MBP: variants seen among roughly 807,000 people sequenced by gnomAD.
The protein encoded by MBP is Golli-MBP.
Under a neutral mutation model 35.8 loss-of-function variants are expected in MBP, and 16 were observed. The observed-to-expected ratio is 0.45, with a 90% CI of 0.30 to 0.68. The LOEUF is 0.68. MBP is among the 30% of genes least tolerant of loss of function. The probability of loss-of-function intolerance (pLI) is 0.08; values close to 1 mark genes in which losing one functional copy is unlikely to be tolerated. For missense variants in MBP, 380 were observed against 404.7 expected (o/e 0.94, Z 0.52); for synonymous variants, 143 against 159.6 (o/e 0.90, Z 0.78).
intron 7 of MBP, chr18:76,987,522 C>A: frequency 1.0e-6 from 1 of 985,736 alleles, no homozygotes. Flanking sequence ...TTCCTCTTCC[C>A]CACCTTCTGT....
intron 2 of MBP, among the ~76,000 whole-genome samples, chr18:77,104,035 C>T (rs12959904): frequency 0.32 from 48,306 of 152,214 alleles, 9,229 homozygotes; most frequent in Non-Finnish European, 0.43. Flanking sequence ...TGTTCCCTGA[C>T]AAGGGTTACG....
At chr18:77,072,762 G>A (rs1015271456) in intron 2 of MBP, among the ~76,000 whole-genome samples, 5 of 152,176 alleles carry the variant, frequency 3.3e-5, no homozygotes, top group Non-Finnish European at 7.3e-5. Flanking sequence ...CGCCCGCAGC[G>A]CAGTTACTCA....
At chr18:76,994,479 C>T (rs1028759479) in intron 4 of MBP, among the ~76,000 whole-genome samples, 4 of 152,224 alleles carry the variant, frequency 2.6e-5, no homozygotes, top group African/African-American at 9.7e-5. Flanking sequence ...GATTTTACAA[C>T]TTACCATGCT....
chr18:77,008,921 C>G (rs1028335327), intron 4 of MBP, among the ~76,000 whole-genome samples: 1 of 152,222 alleles, frequency 6.6e-6, no homozygotes, highest in Admixed American at 6.5e-5. Flanking sequence ...AATGGTCCCC[C>G]CTTGCCGGCC....
chr18:77,117,363 C>T (rs1258526902), intron 1 of MBP, among the ~76,000 whole-genome samples: 1 of 152,186 alleles, frequency 6.6e-6, no homozygotes, highest in Non-Finnish European at 1.5e-5. Flanking sequence ...GTGTTTTCTG[C>T]ATGCCATTAA....
chr18:77,025,714 T>G (rs1483839631), intron 3 of MBP, among the ~76,000 whole-genome samples: 3 of 147,358 alleles, frequency 2.0e-5, no homozygotes, highest in Non-Finnish European at 4.5e-5. Flanking sequence ...ACTTTTTTTT[T>G]TTTTTTTTTT....
chr18:77,105,740 G>T (rs955995418), intron 1 of MBP, among the ~76,000 whole-genome samples: 1 of 152,200 alleles, frequency 6.6e-6, no homozygotes, highest in South Asian at 2.1e-4. Context: ...AGCTATTCAT[G>T]CTCACTGCTT....
intron 3 of MBP, among the ~76,000 whole-genome samples, chr18:77,042,817 A>C (rs1250538043): frequency 5.3e-5 from 8 of 152,214 alleles, no homozygotes; most frequent in African/African-American, 1.9e-4. Flanking sequence ...GTTAGCTACT[A>C]TTTTTTAAGG....
At chr18:77,045,491 G>T (rs1367370253) in intron 3 of MBP, among the ~76,000 whole-genome samples, 3 of 152,266 alleles carry the variant, frequency 2.0e-5, no homozygotes, top group Admixed American at 2.0e-4. Flanking sequence ...CCAGGTCAGG[G>T]TCTCTGGAGC....
intron 1 of MBP, among the ~76,000 whole-genome samples, chr18:77,127,094 A>C (rs1977075344): frequency 6.6e-6 from 1 of 152,236 alleles, no homozygotes; most frequent in Admixed American, 6.5e-5. Flanking sequence ...ATAAAGAATA[A>C]TAAAGTGGAA....
intron 3 of MBP, among the ~76,000 whole-genome samples, chr18:77,043,531 C>T (rs994948611): frequency 6.6e-6 from 1 of 152,160 alleles, no homozygotes; most frequent in African/African-American, 2.4e-5. Flanking sequence ...TGCAGGCACC[C>T]CGGGGACCTG....
At chr18:77,058,837 G>A (rs1973848620) in intron 3 of MBP, among the ~76,000 whole-genome samples, 1 of 152,238 alleles carries the variant, frequency 6.6e-6, no homozygotes, top group Admixed American at 6.5e-5. Context: ...AGTTTCCAGA[G>A]ACGCTGCAGT....
chr18:76,998,639 G>A (rs1970459947), intron 4 of MBP, among the ~76,000 whole-genome samples: 1 of 152,156 alleles, frequency 6.6e-6, no homozygotes, highest in Non-Finnish European at 1.5e-5. Context: ...AGCAGCACGC[G>A]GCATCGGGAC....
At chr18:77,081,952 C>T (rs974313365) in intron 2 of MBP, among the ~76,000 whole-genome samples, 4 of 151,742 alleles carry the variant, frequency 2.6e-5, no homozygotes, top group Non-Finnish European at 4.4e-5. Flanking sequence ...CCCGGGTTCA[C>T]GCCATTCTCC....
chr18:76,999,938 G>T (rs1029298328), intron 4 of MBP, among the ~76,000 whole-genome samples: 1 of 152,180 alleles, frequency 6.6e-6, no homozygotes, highest in Non-Finnish European at 1.5e-5. Flanking sequence ...TTAAAAGCGA[G>T]GAAGAGCTAG....
chr18:77,105,061 A>T lies in MBP; in HGVS notation c.51+150T>A, dbSNP rs1375451496. ...TCGTAATAAATCATAATTAATTATT[A>T]ATAATAATTAACAAGGACCAGGCTT... On this transcript the variant is annotated intron_variant, in intron 2 of 8. Coordinates refer to ENST00000355994, the MANE Select transcript of MBP (RefSeq NM_001025101.2). The T allele has an allele frequency of 8.3e-6, 3 of 360,742 alleles. No homozygotes were observed. In the South Asian group the frequency reaches 1.4e-4, roughly 17 times the overall value. The allele number at this position is 360,742 out of a possible 1,614,324, so 22.3% of individuals were successfully genotyped here.
chr18:76,986,751 G>A (rs1969580934), intron 7 of MBP: 23 of 985,488 alleles, frequency 2.3e-5, no homozygotes, highest in Non-Finnish European at 2.8e-5. Flanking sequence ...CCCTGCAAGC[G>A]TTAAGTCCTT....
At position 76,978,936 on chromosome 18, in the gene MBP, A is replaced by C. The variant is rs907431986; in HGVS notation, c.*1491T>G. The stretch of plus-strand genomic sequence containing the variant: ...GCTGTGTGGGTGCGGCCACGTATGG[A>C]TCGCAGAGCCGACCTCAGCTCAGCG... On this transcript the variant is annotated 3_prime_UTR_variant, in exon 9 of 9. Coordinates refer to ENST00000355994, the MANE Select transcript of MBP (RefSeq NM_001025101.2). 3 of 152,238 alleles carry C rather than the reference A, an allele frequency of 2.0e-5. No homozygotes were observed. Among genetic ancestry groups the C allele is most frequent in the African/African-American group, 7.2e-5 (3 of 41,454 alleles). 9.4% of individuals were successfully genotyped at this position (152,238 alleles called of 1,614,324 possible).
At chr18:77,052,019 T>G (rs1189357390) in intron 3 of MBP, among the ~76,000 whole-genome samples, 2 of 152,094 alleles carry the variant, frequency 1.3e-5, no homozygotes, top group Non-Finnish European at 2.9e-5. Flanking sequence ...AAGGTTATGG[T>G]GAAGCCGTGC....
Sources: allele counts gnomAD v4.1 joint callset (sites outside exome capture counted in the v4.1 genomes callset), GRCh38; gene constraint gnomAD v4.1.1; transcripts MANE v1.5; gene names NCBI Gene and HGNC (gene_info 2026-07-23, HGNC 2026-07-21).